The following RALGAPB variants were observed in gnomAD, a reference collection of about 807,000 sequenced individuals.
The protein encoded by RALGAPB is ral GTPase-activating protein subunit beta.
Under a neutral mutation model 161.1 loss-of-function variants are expected in RALGAPB, and 25 were observed. That is an observed-to-expected ratio of 0.16 (90% CI 0.11 to 0.22). The LOEUF is 0.22. Among genes scored for constraint, RALGAPB ranks in the 10% least tolerant of loss-of-function variants. The pLI is 1.00. For synonymous variants in RALGAPB, 629 were observed against 626.1 expected (o/e 1.00, Z -0.07); for missense variants, 1,391 against 1,815.2 (o/e 0.77, Z 4.25).
intron 6 of RALGAPB, among the ~76,000 whole-genome samples, chr20:38,512,058 CA>C (rs1268493257): frequency 1.3e-5 from 2 of 152,190 alleles, no homozygotes; most frequent in Non-Finnish European, 1.5e-5. Flanking sequence ...AAATGTTTTA[CA>C]GTTTTCTTCA....
At chr20:38,516,671 G>A in intron 7 of RALGAPB, 1 of 242,426 alleles carries the variant, frequency 4.1e-6, no homozygotes, top group Non-Finnish European at 7.9e-6. Flanking sequence ...ACAAGAATTA[G>A]GCCTAGTAGA....
Position 38,509,090 on chromosome 20 carries a change from A to G in RALGAPB, c.754A>G (p.Thr252Ala), listed in dbSNP as rs1203035210. The G allele has an allele frequency of 1.9e-5, 31 of 1,613,584 alleles. No homozygotes were observed. Among genetic ancestry groups the G allele is most frequent in the Non-Finnish European group, 2.5e-5 (30 of 1,179,612 alleles). Residue 252 changes from threonine (T) to alanine (A), a missense_variant, in exon 6 of 30, where the codon ACA becomes GCA. Around this residue, in one of 3 missense-constraint regions of RALGAPB, gnomAD observed 946 missense variants for 1,257.2 expected, o/e 0.75. Coordinates refer to ENST00000262879, the MANE Select transcript of RALGAPB (RefSeq NM_020336.4). ...CALTSRLLRFTYGPSFPAFKV... is the reference protein window; with the variant it reads ...CALTSRLLRFAYGPSFPAFKV... ...TTTATTTTCTAGATTGCTACGCTTT[A>G]CATATGGTCCTTCATTTCCTGCATT... is the stretch of plus-strand genomic sequence containing the variant.
At chr20:38,514,166 T>C (rs2086058782) in intron 6 of RALGAPB, among the ~76,000 whole-genome samples, 1 of 152,192 alleles carries the variant, frequency 6.6e-6, no homozygotes, top group Non-Finnish European at 1.5e-5. Flanking sequence ...CGAACAACCC[T>C]TTCTCATGTT....
intron 1 of RALGAPB, among the ~76,000 whole-genome samples, chr20:38,487,684 T>TA (rs2085156994): frequency 6.6e-6 from 1 of 152,188 alleles, no homozygotes; most frequent in Non-Finnish European, 1.5e-5. Context: ...AGTGAAAAAT[T>TA]ATGCAATTAT....
At chr20:38,485,994 A>C (rs1600831025) in intron 1 of RALGAPB, among the ~76,000 whole-genome samples, 1 of 29,254 alleles carries the variant, frequency 3.4e-5, no homozygotes, top group South Asian at 9.6e-4. Flanking sequence ...TTTGAGATGG[A>C]GTTTTGCTTT....
intron 2 of RALGAPB, among the ~76,000 whole-genome samples, chr20:38,489,002 C>G (rs2085200842): frequency 6.6e-6 from 1 of 152,162 alleles, no homozygotes; most frequent in African/African-American, 2.4e-5. Flanking sequence ...TCATCCCTAC[C>G]TCTGGATGGC....
At chr20:38,503,556 G>T (rs2085659099) in intron 5 of RALGAPB, among the ~76,000 whole-genome samples, 1 of 152,322 alleles carries the variant, frequency 6.6e-6, no homozygotes, top group East Asian at 1.9e-4. Flanking sequence ...TAATGGTGAG[G>T]AGTCTTATGG....
chr20:38,516,860 T>C (rs558872485), intron 7 of RALGAPB, among the ~76,000 whole-genome samples: 2 of 152,222 alleles, frequency 1.3e-5, no homozygotes, highest in East Asian at 1.9e-4. Context: ...TTTAGATATA[T>C]GAAAAGTCAA....
intron 22 of RALGAPB, among the ~76,000 whole-genome samples, chr20:38,554,489 A>G (rs116257201): frequency 3.9e-4 from 60 of 152,370 alleles, no homozygotes; most frequent in African/African-American, 1.4e-3. Context: ...GAATGAAGTT[A>G]ATACTGTAGT....
chr20:38,524,415 TCTGGTTGC>T (rs1371152924), intron 10 of RALGAPB, among the ~76,000 whole-genome samples: 1 of 152,222 alleles, frequency 6.6e-6, no homozygotes, highest in Non-Finnish European at 1.5e-5. Flanking sequence ...TTTGTTTTGT[TCTGGTTGC>T]CTTATTTGCA....
chr20:38,517,537 C>T lies in RALGAPB; in HGVS notation c.1083C>T (p.Pro361=). 6.2e-7 allele frequency: 1 copy of T among 1,610,600 alleles called. No homozygotes were observed. The highest frequency in any genetic ancestry group is 2.2e-5 in the East Asian group (1 of 44,818). Residue 361 remains proline, a synonymous_variant, in exon 8 of 30, where the codon CCC becomes CCT. Coordinates refer to ENST00000262879, the MANE Select transcript of RALGAPB (RefSeq NM_020336.4). ...GISRPRSDSA[P]PTPVNRLSMP... is the part of the protein sequence containing the mutation. ...CTAGACCCCGATCAGACAGTGCTCC[C>T]CCAACACCCGTGAATAGATTAAGTA...
At chr20:38,570,908 T>A in intron 28 of RALGAPB, 61 bp downstream of exon 28, 1 of 1,087,550 alleles carries the variant, frequency 9.2e-7, no homozygotes, top group Non-Finnish European at 1.4e-6. Flanking sequence ...GATTGCAGCT[T>A]AATAAATAAG....
intron 6 of RALGAPB, among the ~76,000 whole-genome samples, chr20:38,515,364 T>G (rs2086093829): frequency 6.6e-6 from 1 of 152,246 alleles, no homozygotes; most frequent in South Asian, 2.1e-4. Context: ...GCCTAGTTCT[T>G]TTGCCTTGTA....
At chr20:38,554,351 A>G (rs2087502052) in intron 22 of RALGAPB, among the ~76,000 whole-genome samples, 1 of 152,212 alleles carries the variant, frequency 6.6e-6, no homozygotes, top group Non-Finnish European at 1.5e-5. Flanking sequence ...CACAGTACCC[A>G]TATTACACAG....
intron 14 of RALGAPB, among the ~76,000 whole-genome samples, chr20:38,532,087 G>A (rs1431257890): frequency 6.6e-6 from 1 of 152,008 alleles, no homozygotes; most frequent in African/African-American, 2.4e-5. Flanking sequence ...ACAGAGTCTC[G>A]CTCTGACTCC....
chr20:38,546,350 A>G lies in RALGAPB; in HGVS notation c.2822A>G (p.Asn941Ser). 1 of 1,614,106 alleles carries G rather than the reference A, an allele frequency of 6.2e-7. No individual in the cohort carries two copies. Among genetic ancestry groups the G allele is most frequent in the Non-Finnish European group, 8.5e-7 (1 of 1,179,996 alleles). ...LIKYSRLPTI[N>S]KHSFRYFVLD... ...AAATACTCCAGGCTGCCAACCATAAACAAGCATAGTTTCCGGTACTTTGTC... is the reference window on the plus strand; with the variant it reads ...AAATACTCCAGGCTGCCAACCATAAGCAAGCATAGTTTCCGGTACTTTGTC... Residue 941 changes from asparagine to serine, a missense_variant, in exon 19 of 30, where the codon AAC becomes AGC. By Grantham distance (46) the Asn-to-Ser change is conservative. Transcript: ENST00000262879.
intron 15 of RALGAPB, among the ~76,000 whole-genome samples, chr20:38,534,055 C>T (rs1178927698): frequency 1.3e-5 from 2 of 148,460 alleles, no homozygotes; most frequent in Non-Finnish European, 3.0e-5. Context: ...AGGAGACTCT[C>T]TTGAACCTGG....
chr20:38,484,336 T>C (rs2085058468), intron 1 of RALGAPB, among the ~76,000 whole-genome samples: 1 of 152,116 alleles, frequency 6.6e-6, no homozygotes. Flanking sequence ...CATAGTTGGG[T>C]TATAAGCCCA....
At chr20:38,483,520 T>G (rs924263364) in intron 1 of RALGAPB, among the ~76,000 whole-genome samples, 1 of 152,228 alleles carries the variant, frequency 6.6e-6, no homozygotes, top group Non-Finnish European at 1.5e-5. Flanking sequence ...AGCTGTTTTA[T>G]AAGGATAAAC....
Sources: allele counts gnomAD v4.1 joint callset (sites outside exome capture counted in the v4.1 genomes callset), GRCh38; gene constraint gnomAD v4.1.1; regional missense constraint gnomAD v4.1.1; transcripts MANE v1.5; gene names NCBI Gene and HGNC (gene_info 2026-07-23, HGNC 2026-07-21).